The following ADCY5 variants were observed in gnomAD, a reference collection of about 807,000 sequenced individuals.
The protein encoded by ADCY5 is adenylate cyclase type 5.
A neutral mutation model predicts 119.7 loss-of-function variants in ADCY5; 30 were observed. The observed-to-expected ratio is 0.25, with a 90% CI of 0.19 to 0.34. The LOEUF is 0.34. Among genes scored for constraint, ADCY5 ranks in the 10% least tolerant of loss-of-function variants. The pLI is 1.00. For missense variants in ADCY5, 1,324 were observed against 1,775.2 expected, an observed-to-expected ratio of 0.75 and a Z score of 4.57; for synonymous variants, 753 against 762.2, an observed-to-expected ratio of 0.99 and a Z score of 0.20.
Position 123,338,890 on chromosome 3 carries a change from GGCCC to G in ADCY5, c.1407-6219_1407-6216del, listed in dbSNP as rs1455385137. 9.6e-3 allele frequency among the ~76,000 whole-genome samples: 1,459 copies of G among 152,304 alleles called. 20 individuals are homozygous for G. Among genetic ancestry groups the G allele is most frequent in the African/African-American group, 0.033 (1,352 of 41,562 alleles). On this transcript the variant is annotated intron_variant, in intron 3 of 20. Transcript: ENST00000462833. ...TGACTTTATGAAGCTGTCAGAGCCTGGCCCTGCTCCTGTGCACATCCTGCAGCAC... is the reference window on the plus strand; with the variant it reads ...TGACTTTATGAAGCTGTCAGAGCCTGTGCTCCTGTGCACATCCTGCAGCAC...
In ADCY5 at chr3:123,433,707, A is replaced by G. The variant is rs141697317; in HGVS notation, c.1134+13705T>C. On this transcript the variant is annotated intron_variant, in intron 1 of 20. Transcript: ENST00000462833. ...ACTCAACAGAGAGACCCCGGGTCAGACTTCCAGGGCTGTACCAAGAGGTGA... is the reference window on the plus strand; with the variant it reads ...ACTCAACAGAGAGACCCCGGGTCAGGCTTCCAGGGCTGTACCAAGAGGTGA... 4.6e-5 allele frequency among the ~76,000 whole-genome samples: 7 copies of G among 152,240 alleles called. No homozygotes were observed. The East Asian group carries it at 1.4e-3, about 29-fold the overall frequency.
Position 123,370,867 on chromosome 3 carries a change from G to A in ADCY5, c.1135-18286C>T, listed in dbSNP as rs1196548383. On this transcript the variant is annotated intron_variant, in intron 1 of 20. Transcript: ENST00000462833. ...CTCCTCCCTTCCCACCACGTGCTCT[G>A]GGGCAGAAGGGAGAAATCACAACAC... Among the ~76,000 whole-genome samples, 4 of 151,778 alleles carry A rather than the reference G, an allele frequency of 2.6e-5. No individual in the cohort carries two copies. The East Asian group carries it at 7.7e-4, about 29-fold the overall frequency.
rs140807749 is a variant in ADCY5, at chr3:123,319,169, C to T, written c.2256+505G>A. On this transcript the variant is annotated intron_variant, in intron 10 of 20. Coordinates refer to ENST00000462833, the MANE Select transcript of ADCY5 (RefSeq NM_183357.3). ...AGGAGTTCAAGATCAGCCTGTCCAA[C>T]ATGGTGAAACCCCATCTCTACTAAA... 8.1e-3 allele frequency among the ~76,000 whole-genome samples: 1,229 copies of T among 152,090 alleles called. 16 individuals carry two copies. The highest frequency in any genetic ancestry group is 0.028 in the African/African-American group (1,154 of 41,484).
intron 1 of ADCY5, among the ~76,000 whole-genome samples, chr3:123,374,547 A>G (rs1486290745): frequency 6.6e-6 from 1 of 152,206 alleles, no homozygotes; most frequent in Non-Finnish European, 1.5e-5. Context: ...AGTGAAGTTA[A>G]GCAACTCGCT....
At chr3:123,288,842 G>A (rs367828481) in intron 19 of ADCY5, among the ~76,000 whole-genome samples, 4 of 152,132 alleles carry the variant, frequency 2.6e-5, no homozygotes, top group East Asian at 3.8e-4. Flanking sequence ...GACCTCTGCC[G>A]GACACCACAG....
intron 1 of ADCY5, among the ~76,000 whole-genome samples, chr3:123,378,362 C>G (rs1165236769): frequency 6.6e-6 from 1 of 151,880 alleles, no homozygotes; most frequent in Non-Finnish European, 1.5e-5. Flanking sequence ...CAGGTGAGAC[C>G]ACGCCACAGG....
intron 1 of ADCY5, among the ~76,000 whole-genome samples, chr3:123,407,845 T>G (rs1159482859): frequency 6.7e-6 from 1 of 148,578 alleles, no homozygotes; most frequent in African/African-American, 2.5e-5. Flanking sequence ...ATAGGACATA[T>G]CCAGAATAGG....
At chr3:123,296,302 C>G (rs1284831103) in intron 16 of ADCY5, 86 bp from the exon 17 acceptor site, 1 of 1,449,310 alleles carries the variant, frequency 6.9e-7, no homozygotes, top group Non-Finnish European at 9.4e-7. Flanking sequence ...ACTGCTGGCC[C>G]TGTTTTCTTC....
chr3:123,308,782 T>C (rs1940372280), intron 12 of ADCY5, among the ~76,000 whole-genome samples: 1 of 152,100 alleles, frequency 6.6e-6, no homozygotes, highest in South Asian at 2.1e-4. Context: ...TGAGCCGAGA[T>C]CGTGCCACTG....
intron 2 of ADCY5, 99 bp from the exon 3 acceptor site, chr3:123,348,002 A>G: frequency 7.4e-7 from 1 of 1,351,360 alleles, no homozygotes; most frequent in Admixed American, 2.0e-5. Flanking sequence ...GCCCTGGAAA[A>G]CCTCTCAGGC....
In ADCY5 at chr3:123,303,034, C is replaced by T. The variant is rs543993657; in HGVS notation, c.2724+21G>A. The T allele has an allele frequency of 3.7e-6, 6 of 1,612,042 alleles. No individual in the cohort carries two copies. The South Asian group carries it at 5.5e-5, about 15-fold the overall frequency. On this transcript the variant is annotated intron_variant, in intron 14 of 20. Transcript: ENST00000462833. ...CAAGGGACTCTTCAGCACTCCCTTC[C>T]AGCCCCTGTGCACCCAGTACCTCGG...
intron 1 of ADCY5, among the ~76,000 whole-genome samples, chr3:123,432,593 C>T (rs934574792): frequency 1.3e-4 from 20 of 152,024 alleles, no homozygotes; most frequent in Admixed American, 7.2e-4. Context: ...TGCAGTGGCG[C>T]GATCACAGCT....
intron 1 of ADCY5, among the ~76,000 whole-genome samples, chr3:123,379,821 G>C (rs1450816860): frequency 3.3e-5 from 5 of 152,164 alleles, no homozygotes; most frequent in African/African-American, 7.2e-5. Flanking sequence ...AGCCTAAAAA[G>C]GCTTCTGGAA....
chr3:123,444,375 G>A (rs1057255536), intron 1 of ADCY5, among the ~76,000 whole-genome samples: 2 of 152,166 alleles, frequency 1.3e-5, no homozygotes, highest in Admixed American at 6.5e-5. Context: ...CAGCAGAGAG[G>A]TGAGGTGGGC....
chr3:123,419,235 C>G (rs1945251548), intron 1 of ADCY5: 2 of 985,424 alleles, frequency 2.0e-6, no homozygotes, highest in African/African-American at 1.7e-5. Flanking sequence ...AGGTGGCACT[C>G]AAGGCCCTCC....
chr3:123,445,343 C>G (rs1048881108), intron 1 of ADCY5, among the ~76,000 whole-genome samples: 1 of 150,352 alleles, frequency 6.7e-6, no homozygotes, highest in Non-Finnish European at 1.5e-5. Context: ...ATTGGGGCCC[C>G]CCCCAAGGCT....
chr3:123,309,464 C>T (rs1429044418), intron 12 of ADCY5, among the ~76,000 whole-genome samples: 1 of 152,160 alleles, frequency 6.6e-6, no homozygotes, highest in African/African-American at 2.4e-5. Flanking sequence ...AAGTAAAAAC[C>T]ACCTGGGTTT....
At position 123,430,055 on chromosome 3, in the gene ADCY5, C is replaced by A. The variant is rs1945492184; in HGVS notation, c.1134+17357G>T. On this transcript the variant is annotated intron_variant, in intron 1 of 20. Coordinates refer to ENST00000462833, the MANE Select transcript of ADCY5 (RefSeq NM_183357.3). ...CTCCTCCATTCCCCCATGCCCTCAGCACAGCCTCCCACATCTGTCCACGGC... is the reference window on the plus strand; with the variant it reads ...CTCCTCCATTCCCCCATGCCCTCAGAACAGCCTCCCACATCTGTCCACGGC... Among the ~76,000 whole-genome samples, 4 of 152,198 alleles carry A rather than the reference C, an allele frequency of 2.6e-5. No individual in the cohort carries two copies. In the South Asian group the frequency reaches 8.3e-4, roughly 31 times the overall value.
At chr3:123,409,850 G>C (rs1247812304) in intron 1 of ADCY5, among the ~76,000 whole-genome samples, 1 of 152,188 alleles carries the variant, frequency 6.6e-6, no homozygotes, top group Non-Finnish European at 1.5e-5. Flanking sequence ...GCCCCAGTTG[G>C]ATGAGCTGAG....
Sources: gnomAD v4.1 joint callset for allele counts (sites outside exome capture counted in the v4.1 genomes callset) on GRCh38, gnomAD v4.1.1 for gene constraint, MANE v1.5 for transcripts, NCBI Gene and HGNC (gene_info 2026-07-23, HGNC 2026-07-21) for gene names.